The following NRXN1 variants were observed in gnomAD, a reference collection of about 807,000 sequenced individuals.
NRXN1 encodes neurexin 1, also known as neurexin-1.
Under a neutral mutation model 150.9 loss-of-function variants are expected in NRXN1, and 39 were observed. That is an observed-to-expected ratio of 0.26 (90% CI 0.20 to 0.34). The LOEUF (loss-of-function observed/expected upper bound fraction) is 0.34. Ranked by LOEUF, NRXN1 falls within the 10% of genes least tolerant of loss-of-function variation. The pLI is 1.00. For missense variants in NRXN1, 1,815 were observed against 1,949.9 expected, an observed-to-expected ratio of 0.93 and a Z score of 1.30; for synonymous variants, 924 against 757.0, an observed-to-expected ratio of 1.22 and a Z score of -3.62.
intron 17 of NRXN1, among the ~76,000 whole-genome samples, chr2:50,285,526 C>T (rs560564454): frequency 6.6e-6 from 1 of 152,220 alleles, no homozygotes; most frequent in African/African-American, 2.4e-5. Context: ...GAGCAAACCC[C>T]TGCAAATATG....
At chr2:50,916,838 C>A (rs1031645822) in intron 5 of NRXN1, 10 of 151,628 alleles carry the variant, frequency 6.6e-5, no homozygotes, top group Non-Finnish European at 1.2e-4. Context: ...CAAGCTGGGA[C>A]TTTTATTAGT....
intron 8 of NRXN1, among the ~76,000 whole-genome samples, chr2:50,599,799 A>G (rs1160218040): frequency 3.3e-5 from 5 of 152,210 alleles, no homozygotes; most frequent in African/African-American, 1.2e-4. Flanking sequence ...AATATGCATT[A>G]TAATTCCAGC....
intron 5 of NRXN1, among the ~76,000 whole-genome samples, chr2:50,749,589 C>T (rs115266082): frequency 2.0e-5 from 3 of 151,938 alleles, no homozygotes; most frequent in Non-Finnish European, 4.4e-5. Context: ...TAATGGAGAA[C>T]ATGTTCATCT....
intron 5 of NRXN1, among the ~76,000 whole-genome samples, chr2:50,650,126 G>A (rs1395911063): frequency 6.6e-6 from 1 of 151,978 alleles, no homozygotes; most frequent in Non-Finnish European, 1.5e-5. Context: ...AGAAATGTCT[G>A]TTCTGATAAT....
intron 5 of NRXN1, among the ~76,000 whole-genome samples, chr2:50,737,966 A>G (rs574330250): frequency 1.3e-5 from 2 of 152,240 alleles, no homozygotes; most frequent in East Asian, 3.9e-4. Context: ...AATCAAAGAC[A>G]CAAAGGTTTA....
rs1194370913 is a variant in NRXN1, at chr2:50,399,952, G to C, written c.3364+65490C>G. 2.7e-5 allele frequency among the ~76,000 whole-genome samples: 4 copies of C among 150,760 alleles called. No homozygotes were observed. The East Asian group carries it at 7.9e-4, about 30-fold the overall frequency. ...AAAAATTAAAAGGATAATGTTGCTT[G>C]ATAGATGGGAGTCCAGGAAAGAATT... On this transcript the variant is annotated intron_variant, in intron 17 of 22. Transcript: ENST00000401669.
chr2:50,108,848 A>T (rs983063523), intron 18 of NRXN1, among the ~76,000 whole-genome samples: 6 of 152,118 alleles, frequency 3.9e-5, no homozygotes, highest in African/African-American at 1.4e-4. Context: ...AATAAAAATA[A>T]CAGTTTAAAT....
At chr2:50,106,300 C>T (rs1701635603) in intron 18 of NRXN1, among the ~76,000 whole-genome samples, 1 of 151,858 alleles carries the variant, frequency 6.6e-6, no homozygotes, top group African/African-American at 2.4e-5. Flanking sequence ...GATGCTGCCC[C>T]AGAATGAGAG....
At chr2:50,897,288 A>G (rs1436410537) in intron 5 of NRXN1, among the ~76,000 whole-genome samples, 1 of 152,200 alleles carries the variant, frequency 6.6e-6, no homozygotes, top group Non-Finnish European at 1.5e-5. Flanking sequence ...TGACTGGCAT[A>G]GAGAAACCGC....
chr2:51,001,373 C>T (rs993121079), intron 2 of NRXN1, among the ~76,000 whole-genome samples: 2 of 151,818 alleles, frequency 1.3e-5, no homozygotes, highest in Admixed American at 6.6e-5. Flanking sequence ...TTGTTGGTGC[C>T]TTTCCAAAAC....
intron 9 of NRXN1, among the ~76,000 whole-genome samples, chr2:50,549,389 T>G (rs1667093884): frequency 6.6e-6 from 1 of 152,122 alleles, no homozygotes; most frequent in Non-Finnish European, 1.5e-5. Flanking sequence ...TTCAATTTAA[T>G]AAAGGACAGA....
chr2:50,017,830 T>G (rs1022039650), intron 21 of NRXN1, among the ~76,000 whole-genome samples: 2 of 152,178 alleles, frequency 1.3e-5, no homozygotes, highest in Non-Finnish European at 2.9e-5. Context: ...GTAAAATCCT[T>G]CTGCACCATC....
chr2:50,676,602 G>A (rs1292655029), intron 5 of NRXN1, among the ~76,000 whole-genome samples: 1 of 152,092 alleles, frequency 6.6e-6, no homozygotes. Flanking sequence ...CATACAAACT[G>A]CTTCAGGCAG....
intron 9 of NRXN1, among the ~76,000 whole-genome samples, chr2:50,543,421 G>A (rs549147394): frequency 2.5e-4 from 38 of 152,068 alleles, no homozygotes; most frequent in African/African-American, 8.7e-4. Flanking sequence ...GAATGAGATC[G>A]CAACTAAAAA....
At chr2:50,248,006 T>C (rs1050130704) in intron 17 of NRXN1, among the ~76,000 whole-genome samples, 2 of 152,016 alleles carry the variant, frequency 1.3e-5, no homozygotes, top group Non-Finnish European at 2.9e-5. Flanking sequence ...TGAAGAGCAA[T>C]TTAGAATCTC....
intron 5 of NRXN1, among the ~76,000 whole-genome samples, chr2:50,790,135 C>CCACA (rs61580117): frequency 0.012 from 1,754 of 146,894 alleles, 29 homozygotes; most frequent in African/African-American, 0.037. Flanking sequence ...TTCCCTCCCA[C>CCACA]CACACACACA....
At chr2:50,146,903 T>G (rs1322790977) in intron 18 of NRXN1, among the ~76,000 whole-genome samples, 1 of 151,774 alleles carries the variant, frequency 6.6e-6, no homozygotes, top group East Asian at 1.9e-4. Context: ...CTCTTAAGAA[T>G]TTATTTTGCA....
At chr2:50,448,530 T>C (rs1007177871) in intron 17 of NRXN1, among the ~76,000 whole-genome samples, 2 of 152,218 alleles carry the variant, frequency 1.3e-5, no homozygotes, top group Non-Finnish European at 2.9e-5. Context: ...GAAAGGAACA[T>C]GTAATTTCAG....
intron 19 of NRXN1, among the ~76,000 whole-genome samples, chr2:50,060,356 C>T (rs1419797722): frequency 6.6e-6 from 1 of 152,106 alleles, no homozygotes; most frequent in Non-Finnish European, 1.5e-5. Context: ...GATATATTTA[C>T]CCAATGCCTG....
Sources: allele counts gnomAD v4.1 joint callset (sites outside exome capture counted in the v4.1 genomes callset), GRCh38; gene constraint gnomAD v4.1.1; transcripts MANE v1.5; gene names NCBI Gene and HGNC (gene_info 2026-07-23, HGNC 2026-07-21).